The following AARS1 variants were observed in gnomAD, a reference collection of about 807,000 sequenced individuals.
AARS1 encodes the protein alanine--tRNA ligase, cytoplasmic.
In AARS1, 72 loss-of-function variants were observed where a neutral mutation model predicts 108.9. That is an observed-to-expected ratio of 0.66 (90% CI 0.55 to 0.80). The LOEUF is 0.80. AARS1 is among the 30% of genes least tolerant of loss of function. AARS1 has a pLI of 0.00. For synonymous variants in AARS1, 489 were observed against 465.7 expected (o/e 1.05, Z -0.64); for missense variants, 1,193 against 1,233.2 (o/e 0.97, Z 0.49).
intron 1 of AARS1, among the ~76,000 whole-genome samples, chr16:70,287,157 A>G (rs1375569682): frequency 1.4e-5 from 2 of 145,796 alleles, no homozygotes; most frequent in Non-Finnish European, 3.0e-5. Flanking sequence ...CGGGAGGCTG[A>G]GGCAGGAGAA....
At chr16:70,273,643 A>T (rs535819395) in intron 4 of AARS1, among the ~76,000 whole-genome samples, 4 of 151,964 alleles carry the variant, frequency 2.6e-5, no homozygotes, top group Non-Finnish European at 5.9e-5. Context: ...CAGGCCGATC[A>T]TGAGGTCATG....
intron 1 of AARS1, among the ~76,000 whole-genome samples, chr16:70,286,446 G>C (rs1449232034): frequency 1.4e-5 from 2 of 145,268 alleles, no homozygotes; most frequent in African/African-American, 2.6e-5. Context: ...GCAATCACTT[G>C]GCCTTCCAGG....
intron 7 of AARS1, 115 bp downstream of exon 7, chr16:70,269,498 TACTCC>T (rs1960346197): frequency 3.1e-5 from 44 of 1,431,276 alleles, no homozygotes; most frequent in Non-Finnish European, 4.2e-5. Context: ...CACGCCATTG[TACTCC>T]AGCCTGGGCA....
Position 70,253,777 on chromosome 16 carries a change from G to A in AARS1, c.2544C>T (p.Phe848=), listed in dbSNP as rs928532751. The change falls in exon 19 of 21, where the codon TTC becomes TTT. Residue 848 remains phenylalanine, a synonymous_variant. Transcript: ENST00000261772. ...QKRVLEKTKQ[F]IDSNPNQPLV... ...GAGGCTGGTTGGGGTTGCTGTCGAT[G>A]AACTGCTTCGTCTTCTCTAACACCT... 6.2e-7 allele frequency: 1 copy of A among 1,614,182 alleles called. No individual in the cohort carries two copies. The highest frequency in any genetic ancestry group is 8.5e-7 in the Non-Finnish European group (1 of 1,180,054).
intron 17 of AARS1, 105 bp from the exon 18 acceptor site, chr16:70,254,143 AAAGGAAAGC>A: frequency 6.6e-7 from 1 of 1,507,056 alleles, no homozygotes; most frequent in East Asian, 2.3e-5. Context: ...AGTGTCCTGG[AAAGGAAAGC>A]AAGGAAAGCT....
chr16:70,279,350 CAAAAA>C (rs57438636), intron 2 of AARS1, among the ~76,000 whole-genome samples: 2 of 37,798 alleles, frequency 5.3e-5, no homozygotes, highest in Non-Finnish European at 4.4e-5. Context: ...AACTTCATCT[CAAAAA>C]AAAAAAAAAA....
chr16:70,267,754 T>G lies in AARS1; in HGVS notation c.1127A>C (p.Asn376Thr). The G allele has an allele frequency of 6.2e-7, 1 of 1,614,192 alleles. No individual in the cohort carries two copies. The highest frequency in any genetic ancestry group is 2.2e-5 in the East Asian group (1 of 44,882). Residue 376 changes from asparagine (N) to threonine (T), a missense_variant, in exon 9 of 21, where the codon AAT (asparagine) becomes ACT (threonine). By Grantham distance (65) the Asn-to-Thr change is moderately conservative. Transcript: ENST00000261772. The part of the protein sequence containing the change: ...KDPDMVKDII[N>T]EEEVQFLKTL... ...CTTGAGAAACTGCACCTCTTCTTCA[T>G]TAATGATGTCCTTCACCATGTCTGG...
intron 7 of AARS1, among the ~76,000 whole-genome samples, chr16:70,269,322 GAAAAAAAAAAAAAAA>G (rs56394253): frequency 4.4e-4 from 28 of 64,264 alleles, no homozygotes; most frequent in East Asian, 2.5e-3. Context: ...TTCTGTCTCA[GAAAAAAAAAAAAAAA>G]AAAAAAAAAA....
In AARS1 at chr16:70,262,405, G is replaced by C. The variant is rs1441511997; in HGVS notation, c.1612C>G (p.Gln538Glu). ...VLDKTCFYAEQGGQIYDEGYL... is the reference protein window; with the variant it reads ...VLDKTCFYAEEGGQIYDEGYL... ...CCTTCGTCATAGATCTGGCCTCCTT[G>C]CTCAGCATAGAAACAGGTCTTGTCC... Residue 538 changes from glutamine (Q) to glutamate (E), a missense_variant, in exon 12 of 21, where the codon CAA (glutamine) becomes GAA (glutamate). Coordinates refer to ENST00000261772, the MANE Select transcript of AARS1 (RefSeq NM_001605.3). The C allele has an allele frequency of 1.2e-6, 2 of 1,614,018 alleles. No individual in the cohort carries two copies. The highest frequency in any genetic ancestry group is 1.3e-5 in the African/African-American group (1 of 74,896).
At chr16:70,269,470 G>T in intron 7 of AARS1, 148 bp downstream of exon 7, 1 of 1,165,442 alleles carries the variant, frequency 8.6e-7, no homozygotes, top group Non-Finnish European at 1.2e-6. Flanking sequence ...GCAGGCAGAG[G>T]TTGCAGTGAG....
At chr16:70,277,318 G>C (rs1295126270) in intron 2 of AARS1, among the ~76,000 whole-genome samples, 164 bp from the exon 3 acceptor site, 2 of 152,184 alleles carry the variant, frequency 1.3e-5, no homozygotes, top group Non-Finnish European at 2.9e-5. Flanking sequence ...AGCCAAAGCA[G>C]AGGGTAGCCT....
In AARS1 at chr16:70,253,580, C is replaced by G. The variant is rs532775799; in HGVS notation, c.2607+134G>C. ...AGGTATGCCTCCCACATGCAGGGAG[C>G]TGCTGCTCCTCCCAATCTCAATCCC... On this transcript the variant is annotated intron_variant, in intron 19 of 20. Coordinates refer to ENST00000261772, the MANE Select transcript of AARS1 (RefSeq NM_001605.3). 3.1e-5 allele frequency: 36 copies of G among 1,155,612 alleles called. No individual in the cohort carries two copies. In the East Asian group the frequency reaches 8.1e-4, roughly 26 times the overall value. The allele number at this position is 1,155,612 out of a possible 1,614,324, so 71.6% of individuals were successfully genotyped here.
At chr16:70,267,904 A>G in intron 8 of AARS1, 95 bp from the exon 9 acceptor site, 1 of 1,556,826 alleles carries the variant, frequency 6.4e-7, no homozygotes, top group Non-Finnish European at 8.8e-7. Context: ...GCAGTGGCTC[A>G]CGCCTGTAAT....
intron 16 of AARS1, 65 bp from the exon 17 acceptor site, chr16:70,254,799 G>A: frequency 1.8e-6 from 2 of 1,129,624 alleles, no homozygotes; most frequent in African/African-American, 1.5e-5. Context: ...TCCTGTGTCT[G>A]AGCAGCTGCG....
In AARS1 at chr16:70,258,193, G is replaced by A. The variant is rs762839576; in HGVS notation, c.2017C>T (p.Leu673=). 5 of 1,600,710 alleles carry A rather than the reference G, an allele frequency of 3.1e-6. No homozygotes were observed. The highest frequency in any genetic ancestry group is 1.7e-5 in the Admixed American group (1 of 58,264). ...CCCTGGATGGCTTTCGCTGCTGCCA[G>A]GGGGCAATCCTGGGTATAGACGGCC... ...AKAVYTQDCP[L]AAAKAIQGLR... Residue 673 remains leucine, a synonymous_variant, in exon 15 of 21, where the codon CTG becomes TTG. Coordinates refer to ENST00000261772, the MANE Select transcript of AARS1 (RefSeq NM_001605.3).
intron 11 of AARS1, 45 bp downstream of exon 11, chr16:70,264,912 GA>G (rs750583599): frequency 6.2e-7 from 1 of 1,612,040 alleles, no homozygotes; most frequent in Non-Finnish European, 8.5e-7. Flanking sequence ...ATACCCCCCA[GA>G]TACGGGGCAG....
intron 2 of AARS1, among the ~76,000 whole-genome samples, chr16:70,281,685 A>G (rs1028818488): frequency 3.9e-5 from 6 of 152,166 alleles, no homozygotes; most frequent in African/African-American, 1.4e-4. Flanking sequence ...TAAATTAAAA[A>G]ATAAATAAAA....
chr16:70,265,398 C>A (rs140502042), intron 10 of AARS1, 140 bp downstream of exon 10: 15 of 1,330,460 alleles, frequency 1.1e-5, no homozygotes, highest in Non-Finnish European at 1.6e-5. Context: ...AAGGCAGACT[C>A]GCCCCCACTT....
chr16:70,267,846 G>T, intron 8 of AARS1, 37 bp from the exon 9 acceptor site: 1 of 1,613,890 alleles, frequency 6.2e-7, no homozygotes, highest in Non-Finnish European at 8.5e-7. Flanking sequence ...GCTGGATGAA[G>T]CCAGAGACTG....
Sources: gnomAD v4.1 joint callset for allele counts (sites outside exome capture counted in the v4.1 genomes callset) on GRCh38, gnomAD v4.1.1 for gene constraint, MANE v1.5 for transcripts, NCBI Gene and HGNC (gene_info 2026-07-23, HGNC 2026-07-21) for gene names.